SHISAL1: variants seen among roughly 807,000 people sequenced by gnomAD.
SHISAL1 encodes the protein shisa like 1.
In SHISAL1, 9 loss-of-function variants were observed where a neutral mutation model predicts 22.6. The ratio of observed to expected loss-of-function variants is 0.40; its 90% CI spans 0.24 to 0.70. SHISAL1 has a LOEUF of 0.70. Ranked by LOEUF, SHISAL1 falls within the 30% of genes least tolerant of loss-of-function variation. SHISAL1 has a pLI of 0.39. For missense variants in SHISAL1, 246 were observed against 270.6 expected, an observed-to-expected ratio of 0.91 and a Z score of 0.64; for synonymous variants, 119 against 115.4, an observed-to-expected ratio of 1.03 and a Z score of -0.20.
chr22:44,261,247 C>T lies in SHISAL1; in HGVS notation c.*-11562G>A, dbSNP rs11914135. On this transcript the variant is annotated intron_variant, in intron 4 of 4. Transcript: ENST00000381176. ...CTCTTAACAACAGAACTGTTACTTT[C>T]GGTTTTGTGGTCTCCACTCCAAAGT... 3.3e-3 allele frequency among the ~76,000 whole-genome samples: 502 copies of T among 151,604 alleles called. 2 individuals are homozygous for T. Among genetic ancestry groups the T allele is most frequent in the African/African-American group, 0.012 (478 of 41,360 alleles).
At chr22:44,281,676 G>A (rs2055277752) in intron 4 of SHISAL1, among the ~76,000 whole-genome samples, 1 of 152,180 alleles carries the variant, frequency 6.6e-6, no homozygotes, top group Non-Finnish European at 1.5e-5. Flanking sequence ...GCCCTCAGGG[G>A]TTGTCCTGAC....
chr22:44,296,618 G>A (rs992223689), intron 3 of SHISAL1, 54 bp downstream of exon 3: 9 of 1,540,390 alleles, frequency 5.8e-6, no homozygotes, highest in African/African-American at 1.4e-5. Flanking sequence ...TGGGAGGCAG[G>A]CCCCTTGCCT....
chr22:44,327,746 G>A, the SHISAL1 span, among the ~76,000 whole-genome samples: 1 of 152,146 alleles, frequency 6.6e-6, no homozygotes, highest in East Asian at 1.9e-4. Flanking sequence ...CCTGTGCAGA[G>A]TGAGACCAGC....
intron 4 of SHISAL1, 69 bp downstream of exon 4, chr22:44,285,359 T>C (rs2055305373): frequency 2.0e-6 from 3 of 1,484,736 alleles, no homozygotes; most frequent in South Asian, 2.4e-5. Context: ...GCGAGAGTGA[T>C]GGCGTATTCT....
At chr22:44,299,861 G>A (rs2055413916) in intron 2 of SHISAL1, among the ~76,000 whole-genome samples, 1 of 151,994 alleles carries the variant, frequency 6.6e-6, no homozygotes, top group African/African-American at 2.4e-5. Flanking sequence ...CAGAGAGACA[G>A]AGACAGACAC....
chr22:44,320,461 C>T, the SHISAL1 span, among the ~76,000 whole-genome samples: 23 of 152,086 alleles, frequency 1.5e-4, no homozygotes, highest in South Asian at 4.1e-4. Flanking sequence ...TTGGACAGTC[C>T]GCAAATAAAC....
rs556757890 is a variant in SHISAL1 at position 44,301,542 on chromosome 22, G to A, written c.-32-565C>T. Among the ~76,000 whole-genome samples the A allele has an allele frequency of 6.0e-4, 91 of 152,282 alleles. 2 individuals are homozygous for A. The highest frequency in any genetic ancestry group is 2.0e-3 in the African/African-American group (85 of 41,552). ...AACAAATGAATGTTTAAAATGCTCC[G>A]AGCTTCTGAGTACATATCCCAAGGC... is the stretch of plus-strand genomic sequence containing the variant. On this transcript the variant is annotated intron_variant, in intron 1 of 4. Transcript: ENST00000381176.
chr22:44,327,230 T>TG, the SHISAL1 span, among the ~76,000 whole-genome samples: 1 of 132,480 alleles, frequency 7.5e-6, no homozygotes. Flanking sequence ...CTGTGGAGAG[T>TG]GGGGGGCGCG....
upstream of SHISAL1, among the ~76,000 whole-genome samples, chr22:44,316,561 A>G (rs1387683908): frequency 3.3e-5 from 5 of 152,216 alleles, no homozygotes; most frequent in Non-Finnish European, 7.3e-5. Context: ...AGAATCCTAC[A>G]TGAATGAGTG....
intron 4 of SHISAL1, among the ~76,000 whole-genome samples, chr22:44,251,105 C>T (rs1285236778): frequency 1.3e-5 from 2 of 152,210 alleles, no homozygotes; most frequent in East Asian, 1.9e-4. Context: ...ATCCAGCATA[C>T]CACCTATTGT....
chr22:44,252,058 G>A (rs1171555079), intron 4 of SHISAL1, among the ~76,000 whole-genome samples: 1 of 152,230 alleles, frequency 6.6e-6, no homozygotes, highest in Non-Finnish European at 1.5e-5. Context: ...TTGTGTAACT[G>A]TAGGACTATT....
chr22:44,277,005 G>A (rs1347046152), intron 4 of SHISAL1, among the ~76,000 whole-genome samples: 3 of 152,188 alleles, frequency 2.0e-5, no homozygotes, highest in South Asian at 2.1e-4. Context: ...TCCCTCCTCC[G>A]AGGCTCTGCC....
At chr22:44,274,990 T>C (rs2055229739) in intron 4 of SHISAL1, among the ~76,000 whole-genome samples, 1 of 152,216 alleles carries the variant, frequency 6.6e-6, no homozygotes, top group Non-Finnish European at 1.5e-5. Context: ...TTACCTGCAG[T>C]TGCCCACTGG....
chr22:44,293,553 G>A (rs757744611), intron 3 of SHISAL1, among the ~76,000 whole-genome samples: 1 of 152,172 alleles, frequency 6.6e-6, no homozygotes, highest in Admixed American at 6.5e-5. Context: ...CTCCGCTCAG[G>A]GGGCCTCTCC....
chr22:44,269,388 CACAG>C (rs2055189520), intron 4 of SHISAL1, among the ~76,000 whole-genome samples: 1 of 151,016 alleles, frequency 6.6e-6, no homozygotes, highest in African/African-American at 2.4e-5. Context: ...CACCATGACA[CACAG>C]ACACCCACAC....
At chr22:44,328,129 T>C in the SHISAL1 span, among the ~76,000 whole-genome samples, 112 of 152,254 alleles carry the variant, frequency 7.4e-4, 1 homozygote, top group African/African-American at 2.6e-3. Context: ...GGCCAGGCTC[T>C]GGGTCAGTAA....
intron 4 of SHISAL1, among the ~76,000 whole-genome samples, chr22:44,261,014 A>G (rs566052924): frequency 6.7e-6 from 1 of 149,092 alleles, no homozygotes; most frequent in Admixed American, 6.7e-5. Flanking sequence ...GAGGGCCTCT[A>G]TGGCATTGAC....
chr22:44,280,883 G>C (rs1388039607), intron 4 of SHISAL1, among the ~76,000 whole-genome samples: 4 of 152,152 alleles, frequency 2.6e-5, no homozygotes, highest in Non-Finnish European at 4.4e-5. Flanking sequence ...CTGACTGGGA[G>C]CCACTGCCTG....
At chr22:44,266,781 C>A (rs1360134285) in intron 4 of SHISAL1, among the ~76,000 whole-genome samples, 7 of 152,084 alleles carry the variant, frequency 4.6e-5, no homozygotes, top group African/African-American at 1.7e-4. Flanking sequence ...CTCCCTCATA[C>A]CCCACTCAGC....
Sources: allele counts gnomAD v4.1 joint callset (sites outside exome capture counted in the v4.1 genomes callset), GRCh38; gene constraint gnomAD v4.1.1; transcripts MANE v1.5; gene names NCBI Gene and HGNC (gene_info 2026-07-23, HGNC 2026-07-21).